The following B3GALT1 variants were observed in gnomAD, a reference collection of about 807,000 sequenced individuals.
B3GALT1 encodes the protein UDP-Gal:betaGlcNAc beta 1,3-galactosyltransferase, polypeptide 1.
A neutral mutation model predicts 23.2 loss-of-function variants in B3GALT1; 10 were observed. That is an observed-to-expected ratio of 0.43 (90% CI 0.27 to 0.73). The LOEUF is 0.73. Among genes scored for constraint, B3GALT1 ranks in the 30% least tolerant of loss-of-function variants. The pLI, the probability that B3GALT1 is intolerant of heterozygous loss-of-function variation, is 0.21. For synonymous variants in B3GALT1, 156 were observed against 141.5 expected, an observed-to-expected ratio of 1.10 and a Z score of -0.73; for missense variants, 299 against 405.4, an observed-to-expected ratio of 0.74 and a Z score of 2.25.
intron 1 of B3GALT1, among the ~76,000 whole-genome samples, chr2:167,383,969 G>A (rs1697882170): frequency 6.6e-6 from 1 of 152,256 alleles, no homozygotes; most frequent in South Asian, 2.1e-4. Context: ...TTCTAAAGTT[G>A]ATGTCATACT....
intron 3 of B3GALT1, among the ~76,000 whole-genome samples, chr2:167,746,318 A>G (rs942362566): frequency 2.6e-5 from 4 of 152,162 alleles, no homozygotes; most frequent in African/African-American, 9.7e-5. Flanking sequence ...ATTAAGTTTC[A>G]AAGTTTAGTT....
intron 3 of B3GALT1, among the ~76,000 whole-genome samples, chr2:167,668,818 G>C (rs1686265450): frequency 6.6e-6 from 1 of 152,218 alleles, no homozygotes; most frequent in East Asian, 1.9e-4. Context: ...CGCGCACGGT[G>C]CGTGCACCCA....
chr2:167,316,017 T>C (rs1696711177), intron 1 of B3GALT1, among the ~76,000 whole-genome samples: 1 of 151,894 alleles, frequency 6.6e-6, no homozygotes. Flanking sequence ...AGAATTTTCT[T>C]TCACATTTAA....
At chr2:167,597,098 G>C (rs572308324) in intron 2 of B3GALT1, among the ~76,000 whole-genome samples, 3 of 148,572 alleles carry the variant, frequency 2.0e-5, no homozygotes, top group Non-Finnish European at 3.0e-5. Flanking sequence ...ATGTTTTTTG[G>C]TTTTTGTTTT....
intron 2 of B3GALT1, among the ~76,000 whole-genome samples, chr2:167,577,454 T>C (rs568866067): frequency 2.0e-5 from 3 of 151,916 alleles, no homozygotes; most frequent in Admixed American, 2.0e-4. Context: ...AATGAACACC[T>C]TTATTTTTAT....
At chr2:167,640,514 G>A (rs1408321248) in intron 2 of B3GALT1, among the ~76,000 whole-genome samples, 4 of 150,176 alleles carry the variant, frequency 2.7e-5, no homozygotes. Flanking sequence ...ATGTCAAAAA[G>A]TCTTTAATTC....
intron 2 of B3GALT1, among the ~76,000 whole-genome samples, chr2:167,566,996 C>G (rs1024684720): frequency 2.0e-5 from 3 of 152,164 alleles, no homozygotes; most frequent in Non-Finnish European, 2.9e-5. Context: ...ATCAGAATCT[C>G]TGGAAAATAG....
chr2:167,300,511 C>A (rs895915041), intron 1 of B3GALT1, among the ~76,000 whole-genome samples: 1 of 152,066 alleles, frequency 6.6e-6, no homozygotes, highest in Admixed American at 6.5e-5. Context: ...ACATAAAGAA[C>A]GCATTAAGGG....
intron 2 of B3GALT1, among the ~76,000 whole-genome samples, chr2:167,587,794 G>C (rs1261055635): frequency 6.6e-6 from 1 of 152,102 alleles, no homozygotes; most frequent in Non-Finnish European, 1.5e-5. Flanking sequence ...TAATTATTCT[G>C]TTTGCAAATT....
chr2:167,716,705 A>G (rs554482914), intron 3 of B3GALT1, among the ~76,000 whole-genome samples: 1 of 152,142 alleles, frequency 6.6e-6, no homozygotes, highest in Non-Finnish European at 1.5e-5. Flanking sequence ...CATAAGCCTG[A>G]CATTTTTTGT....
At chr2:167,639,861 C>G (rs1685621810) in intron 2 of B3GALT1, among the ~76,000 whole-genome samples, 1 of 152,092 alleles carries the variant, frequency 6.6e-6, no homozygotes, top group Non-Finnish European at 1.5e-5. Context: ...GTTAGCACCT[C>G]AATTCCATAC....
chr2:167,396,484 A>G (rs755479138), intron 1 of B3GALT1, among the ~76,000 whole-genome samples: 1 of 151,396 alleles, frequency 6.6e-6, no homozygotes, highest in Non-Finnish European at 1.5e-5. Flanking sequence ...CATTTTCCGA[A>G]TAGAATTATT....
intron 1 of B3GALT1, among the ~76,000 whole-genome samples, chr2:167,341,645 G>C (rs144907653): frequency 2.2e-3 from 337 of 152,086 alleles, no homozygotes; most frequent in African/African-American, 7.6e-3. Context: ...CTGGGCAGGA[G>C]AGTGACACTG....
intron 4 of B3GALT1, among the ~76,000 whole-genome samples, chr2:167,863,012 CTG>C (rs1229310852): frequency 1.3e-5 from 2 of 152,180 alleles, no homozygotes; most frequent in East Asian, 3.8e-4. Flanking sequence ...TCATCAGTGT[CTG>C]TGGCTGTGGT....
intron 2 of B3GALT1, among the ~76,000 whole-genome samples, chr2:167,637,157 C>T (rs1685570316): frequency 1.3e-5 from 2 of 151,946 alleles, no homozygotes. Context: ...AACTCCTGTT[C>T]TGAATCAAGA....
chr2:167,326,642 T>C (rs1317923962), intron 1 of B3GALT1, among the ~76,000 whole-genome samples: 1 of 152,082 alleles, frequency 6.6e-6, no homozygotes, highest in African/African-American at 2.4e-5. Flanking sequence ...GTTTCATTCT[T>C]CTGTATATGG....
Position 167,870,702 on chromosome 2 carries a change from TTTTTTTTTTC to T in B3GALT1, c.*696_*705del, listed in dbSNP as rs1396522324. The T allele has an allele frequency of 8.7e-4, 140 of 161,312 alleles. No individual in the cohort carries two copies. Among genetic ancestry groups the T allele is most frequent in the Middle Eastern group, 3.4e-3 (1 of 296 alleles). 10.0% of individuals were successfully genotyped at this position (161,312 alleles called of 1,614,324 possible). ...GCTACTTAACAAAGTAAACAAAAGA[TTTTTTTTTTC>T]TTTTTTTTTCTTTCTTTTTTGTTTT... On this transcript the variant is annotated 3_prime_UTR_variant, in exon 5 of 5. Transcript: ENST00000392690.
At chr2:167,693,081 C>G (rs746928775) in intron 3 of B3GALT1, among the ~76,000 whole-genome samples, 1 of 151,904 alleles carries the variant, frequency 6.6e-6, no homozygotes, top group Non-Finnish European at 1.5e-5. Context: ...TCTTCTGGGG[C>G]TCTCAGTGGG....
intron 1 of B3GALT1, among the ~76,000 whole-genome samples, chr2:167,440,916 GCTT>G (rs1194892139): frequency 6.6e-6 from 1 of 151,544 alleles, no homozygotes; most frequent in Non-Finnish European, 1.5e-5. Flanking sequence ...ATTAGATTCA[GCTT>G]CTTTTTTGAA....
Sources: allele counts gnomAD v4.1 joint callset (sites outside exome capture counted in the v4.1 genomes callset), GRCh38; gene constraint gnomAD v4.1.1; transcripts MANE v1.5; gene names NCBI Gene and HGNC (gene_info 2026-07-23, HGNC 2026-07-21).